The following PCDHA3 variants were observed in gnomAD, a reference collection of about 807,000 sequenced individuals.
PCDHA3 encodes protocadherin alpha 3, also known as protocadherin alpha-3.
Under a neutral mutation model 62.2 loss-of-function variants are expected in PCDHA3, and 41 were observed. The observed-to-expected ratio is 0.66, with a 90% CI of 0.51 to 0.86. PCDHA3 has a LOEUF of 0.86. Among genes scored for constraint, PCDHA3 ranks in the 40% least tolerant of loss-of-function variants. The pLI is 0.00. For missense variants in PCDHA3, 1,304 were observed against 1,241.2 expected (o/e 1.05, Z -0.76); for synonymous variants, 640 against 555.4 (o/e 1.15, Z -2.14).
chr5:140,872,581 C>T (rs1037284236), intron 1 of PCDHA3, among the ~76,000 whole-genome samples: 14 of 152,104 alleles, frequency 9.2e-5, no homozygotes, highest in African/African-American at 3.1e-4. Flanking sequence ...GACCTATCAT[C>T]GTGAGACCCC....
chr5:140,884,209 T>G (rs1159344104), intron 1 of PCDHA3: 6 of 1,613,276 alleles, frequency 3.7e-6, no homozygotes, highest in Non-Finnish European at 3.4e-6. Context: ...ACCACCGCCT[T>G]CTGGTGCTGG....
intron 3 of PCDHA3, among the ~76,000 whole-genome samples, chr5:140,986,174 A>G (rs896771813): frequency 1.3e-5 from 2 of 152,238 alleles, no homozygotes; most frequent in Admixed American, 6.5e-5. Flanking sequence ...CAGGATAAAC[A>G]AGTCAGGCAT....
At chr5:140,823,832 T>G (rs1554129625) in intron 1 of PCDHA3, 2 of 1,613,836 alleles carry the variant, frequency 1.2e-6, no homozygotes, top group African/African-American at 1.3e-5. Flanking sequence ...GCGGGCGCTG[T>G]GGGTCCCGAG....
intron 1 of PCDHA3, among the ~76,000 whole-genome samples, chr5:140,955,276 T>A (rs1485560412): frequency 6.6e-6 from 1 of 152,120 alleles, no homozygotes; most frequent in Non-Finnish European, 1.5e-5. Flanking sequence ...TTTGGTTCCA[T>A]ATTGATATGG....
intron 1 of PCDHA3, chr5:140,807,679 G>C: frequency 6.2e-7 from 1 of 1,614,236 alleles, no homozygotes. Context: ...ATATCGGGGA[G>C]AACGCCCTGC....
chr5:140,898,161 T>G (rs1208656854), intron 1 of PCDHA3, among the ~76,000 whole-genome samples: 1 of 152,216 alleles, frequency 6.6e-6, no homozygotes, highest in Non-Finnish European at 1.5e-5. Context: ...CTGATGGTGG[T>G]TTCTTTTGCT....
intron 1 of PCDHA3, among the ~76,000 whole-genome samples, chr5:140,963,173 G>C (rs2095742129): frequency 6.6e-6 from 1 of 151,942 alleles, no homozygotes; most frequent in Non-Finnish European, 1.5e-5. Flanking sequence ...CCATCTTACA[G>C]ATATGCTGTA....
intron 1 of PCDHA3, chr5:140,822,789 A>G (rs1767433186): frequency 1.2e-6 from 2 of 1,614,044 alleles, no homozygotes; most frequent in Non-Finnish European, 8.5e-7. Context: ...TAGTAGTGAA[A>G]CTCCTGGATG....
chr5:140,996,311 G>C lies in PCDHA3; in HGVS notation c.2543-13316G>C, dbSNP rs191577867. On this transcript the variant is annotated intron_variant, in intron 3 of 3. Coordinates refer to ENST00000522353, the MANE Select transcript of PCDHA3 (RefSeq NM_018906.3). ...GAAGCACAGATTGTAACAAAGTAAG[G>C]GGGGAGGGTAGAGAAGAAAAGTTTG... is the stretch of plus-strand genomic sequence containing the variant. 9.0e-4 allele frequency among the ~76,000 whole-genome samples: 137 copies of C among 152,302 alleles called. 1 individual carries two copies. The highest frequency in any genetic ancestry group is 2.8e-3 in the African/African-American group (118 of 41,574).
intron 1 of PCDHA3, among the ~76,000 whole-genome samples, chr5:140,959,954 A>G (rs1054998147): frequency 6.6e-6 from 1 of 152,198 alleles, no homozygotes; most frequent in East Asian, 1.9e-4. Context: ...TATCATAGGT[A>G]GGAGGTAGAT....
intron 1 of PCDHA3, among the ~76,000 whole-genome samples, chr5:140,906,513 G>A (rs1398874448): frequency 1.3e-5 from 2 of 152,176 alleles, no homozygotes; most frequent in Non-Finnish European, 2.9e-5. Context: ...AAAGAAGGAG[G>A]AAATACTCAC....
At position 140,884,044 on chromosome 5, in the gene PCDHA3, G is replaced by T. The variant is rs374333847; in HGVS notation, c.2394+80453G>T. On this transcript the variant is annotated intron_variant, in intron 1 of 3. Coordinates refer to ENST00000522353, the MANE Select transcript of PCDHA3 (RefSeq NM_018906.3). ...CGGTGGGTGCAGGCCACGTGGTGGC[G>T]AAGGTGCGCGCGGTGGACGCCGATT... 2.5e-6 allele frequency: 4 copies of T among 1,613,476 alleles called. No homozygotes were observed. In the South Asian group the frequency reaches 3.3e-5, roughly 13 times the overall value.
At chr5:140,823,452 C>G (rs2150125920) in intron 1 of PCDHA3, 1 of 1,613,440 alleles carries the variant, frequency 6.2e-7, no homozygotes, top group South Asian at 1.1e-5. Flanking sequence ...ACGAGAACGA[C>G]AACGCGCCGG....
At chr5:140,839,108 A>G (rs1047759109) in intron 1 of PCDHA3, among the ~76,000 whole-genome samples, 1 of 151,988 alleles carries the variant, frequency 6.6e-6, no homozygotes, top group Non-Finnish European at 1.5e-5. Context: ...ATTATTTACC[A>G]TTAAGCCATA....
At position 140,805,030 on chromosome 5, in the gene PCDHA3, TAG is replaced by T. The variant is rs782585317; in HGVS notation, c.2394+1442_2394+1443del. ...TCTGTTATCAGCTTCTTGAATATAA[TAG>T]AGTCAGCCAAAGTACTTGTCTTCCC... On this transcript the variant is annotated intron_variant, in intron 1 of 3. Coordinates refer to ENST00000522353, the MANE Select transcript of PCDHA3 (RefSeq NM_018906.3). The T allele has an allele frequency of 2.5e-6, 4 of 1,581,854 alleles. No homozygotes were observed. In the Admixed American group the frequency reaches 6.9e-5, roughly 27 times the overall value.
chr5:140,882,331 C>A, intron 1 of PCDHA3: 1 of 1,614,214 alleles, frequency 6.2e-7, no homozygotes, highest in South Asian at 1.1e-5. Context: ...TTCTGATCCT[C>A]GCAGCCTGGG....
At position 140,835,626 on chromosome 5, in the gene PCDHA3, C is replaced by G. The variant is rs2150239729; in HGVS notation, c.2394+32035C>G. ...ATTGGTGCTGGACAGCGCTCTGGAC[C>G]GCGAGAGTGTGTCCGCCTATGAGCT... is the stretch of plus-strand genomic sequence containing the variant. On this transcript the variant is annotated intron_variant, in intron 1 of 3. Transcript: ENST00000522353. 21 of 1,613,762 alleles carry G rather than the reference C, an allele frequency of 1.3e-5. No homozygotes were observed. The highest frequency in any genetic ancestry group is 1.1e-5 in the South Asian group (1 of 91,068).
chr5:140,933,739 G>A (rs531821370), intron 1 of PCDHA3, among the ~76,000 whole-genome samples: 18 of 151,856 alleles, frequency 1.2e-4, no homozygotes, highest in Admixed American at 3.9e-4. Flanking sequence ...TTAAATATTT[G>A]GTAGAATTCA....
chr5:140,978,217 A>G (rs1554239114), intron 1 of PCDHA3, among the ~76,000 whole-genome samples: 2 of 152,222 alleles, frequency 1.3e-5, no homozygotes, highest in East Asian at 1.9e-4. Flanking sequence ...TGCAAAATGT[A>G]TCAGGTTTTT....
Sources: allele counts gnomAD v4.1 joint callset (sites outside exome capture counted in the v4.1 genomes callset), GRCh38; gene constraint gnomAD v4.1.1; transcripts MANE v1.5; gene names NCBI Gene and HGNC (gene_info 2026-07-23, HGNC 2026-07-21).